The following KDM4C variants were observed in gnomAD, a reference collection of about 807,000 sequenced individuals.
KDM4C encodes the protein lysine demethylase 4C, also known as lysine-specific demethylase 4C.
KDM4C carries 81 observed loss-of-function variants against 129.3 expected under a neutral mutation model. That is an observed-to-expected ratio of 0.63 (90% confidence interval 0.52 to 0.75). The LOEUF is 0.75. KDM4C is among the 30% of genes least tolerant of loss of function. The pLI is 0.00. For synonymous variants in KDM4C, 573 were observed against 456.1 expected (o/e 1.26, Z -3.26); for missense variants, 1,457 against 1,304.0 (o/e 1.12, Z -1.81).
chr9:6,858,275 C>T (rs1350706083), intron 5 of KDM4C, among the ~76,000 whole-genome samples: 7 of 151,636 alleles, frequency 4.6e-5, no homozygotes, highest in South Asian at 2.1e-4. Flanking sequence ...TGAATTACTG[C>T]TCAGTAAGGG....
chr9:6,867,646 T>A (rs1019955616), intron 5 of KDM4C, among the ~76,000 whole-genome samples: 5 of 152,244 alleles, frequency 3.3e-5, no homozygotes, highest in African/African-American at 1.2e-4. Context: ...TACAAAACAT[T>A]GCATCTATGT....
chr9:6,759,333 T>G (rs1818924843), intron 1 of KDM4C, among the ~76,000 whole-genome samples: 1 of 152,188 alleles, frequency 6.6e-6, no homozygotes. Flanking sequence ...CAACGGTGAC[T>G]AATATTCTCA....
chr9:6,885,633 AAG>A (rs1379895397), intron 6 of KDM4C, among the ~76,000 whole-genome samples: 1 of 143,666 alleles, frequency 7.0e-6, no homozygotes, highest in Non-Finnish European at 1.5e-5. Flanking sequence ...AAAAAAAAAA[AAG>A]GCAGTTGACT....
chr9:7,030,434 A>C (rs994287057), intron 15 of KDM4C, among the ~76,000 whole-genome samples: 1 of 152,176 alleles, frequency 6.6e-6, no homozygotes, highest in Non-Finnish European at 1.5e-5. Flanking sequence ...GTACAACACC[A>C]AGAGTGAATC....
At chr9:6,760,574 A>ATTTG (rs1272204321) in intron 1 of KDM4C, among the ~76,000 whole-genome samples, 3 of 135,904 alleles carry the variant, frequency 2.2e-5, no homozygotes, top group Non-Finnish European at 4.9e-5. Context: ...TTATTTATTT[A>ATTTG]TTTATTTATT....
chr9:6,720,997 G>T (rs1001113600), exon 1 of KDM4C: 21 of 1,550,816 alleles, frequency 1.4e-5, no homozygotes, highest in Non-Finnish European at 1.8e-5. Context: ...AGCAGCTGCA[G>T]GTGAGTGCTG....
In KDM4C at chr9:6,934,654, G is replaced by C. The variant is rs556926625; in HGVS notation, c.921+41422G>C. Among the ~76,000 whole-genome samples, 16 of 151,840 alleles carry C rather than the reference G, an allele frequency of 1.1e-4. No homozygotes were observed. The East Asian group carries it at 3.1e-3, about 30-fold the overall frequency. On this transcript the variant is annotated intron_variant, in intron 8 of 21. Coordinates refer to ENST00000381309, the MANE Select transcript of KDM4C (RefSeq NM_015061.6). The stretch of plus-strand genomic sequence containing the variant: ...AATTTTTGTATTTTTAGTAGAGATG[G>C]GGTTTCACCATGTTGGCCAGGATGG...
intron 8 of KDM4C, among the ~76,000 whole-genome samples, chr9:6,920,209 T>C (rs1451897736): frequency 2.0e-5 from 3 of 152,020 alleles, no homozygotes; most frequent in Non-Finnish European, 4.4e-5. Flanking sequence ...TGGAAAGCAG[T>C]CCTCATGTGC....
At position 6,981,025 on chromosome 9, in the gene KDM4C, A is replaced by G. The variant is rs897908124; in HGVS notation, c.1022A>G (p.Tyr341Cys). 6.2e-7 allele frequency: 1 copy of G among 1,613,966 alleles called. No individual in the cohort carries two copies. The highest frequency in any genetic ancestry group is 8.5e-7 in the Non-Finnish European group (1 of 1,179,854). ...YQLWKQGKDI[Y>C]TIDHTKPTPA... ...CTTTGGAAACAAGGAAAGGATATAT[A>G]CACCATTGATCACACGAAGCCTACT... Residue 341 changes from tyrosine to cysteine, a missense_variant, in exon 9 of 22, where the codon TAC (tyrosine) becomes TGC (cysteine). Coordinates refer to ENST00000381309, the MANE Select transcript of KDM4C (RefSeq NM_015061.6).
At chr9:6,830,155 A>G (rs922640085) in intron 4 of KDM4C, among the ~76,000 whole-genome samples, 1 of 152,244 alleles carries the variant, frequency 6.6e-6, no homozygotes, top group African/African-American at 2.4e-5. Context: ...ACAAATTGTT[A>G]AAGCCATGAA....
intron 7 of KDM4C, among the ~76,000 whole-genome samples, chr9:6,888,316 A>G (rs1201671698): frequency 6.6e-6 from 1 of 152,228 alleles, no homozygotes; most frequent in East Asian, 1.9e-4. Context: ...AGCACATTCT[A>G]TAAAATAAGA....
intron 1 of KDM4C, among the ~76,000 whole-genome samples, chr9:6,746,668 C>T (rs1034272196): frequency 4.1e-5 from 6 of 147,962 alleles, no homozygotes. Context: ...TCGCTTGAGC[C>T]CAGGAATTCC....
intron 11 of KDM4C, among the ~76,000 whole-genome samples, chr9:6,988,029 C>T (rs1818033256): frequency 6.6e-6 from 1 of 151,476 alleles, no homozygotes; most frequent in Non-Finnish European, 1.5e-5. Context: ...GTGGTGTGTG[C>T]CTGTGGTCCT....
At position 7,013,694 on chromosome 9, in the gene KDM4C, T is replaced by C. The variant is rs1010697352; in HGVS notation, c.1969-94T>C. 8 of 1,154,912 alleles carry C rather than the reference T, an allele frequency of 6.9e-6. No individual in the cohort carries two copies. In the Admixed American group the frequency reaches 1.9e-4, roughly 27 times the overall value. 71.5% of individuals were successfully genotyped at this position (1,154,912 alleles called of 1,614,324 possible). ...AACAGGAAGAACAAAAGTTAGAAGTTAGTGTCTGGAACAGGAGTTAGTGGA... is the reference window on the plus strand; with the variant it reads ...AACAGGAAGAACAAAAGTTAGAAGTCAGTGTCTGGAACAGGAGTTAGTGGA... On this transcript the variant is annotated intron_variant, in intron 13 of 21. Coordinates refer to ENST00000381309, the MANE Select transcript of KDM4C (RefSeq NM_015061.6).
intron 17 of KDM4C, among the ~76,000 whole-genome samples, chr9:7,090,237 C>T (rs1422352675): frequency 4.6e-5 from 7 of 152,180 alleles, no homozygotes; most frequent in Non-Finnish European, 1.0e-4. Context: ...TGACACACAG[C>T]CTTTAAAATG....
intron 1 of KDM4C, among the ~76,000 whole-genome samples, chr9:6,773,736 A>G (rs1037720233): frequency 6.7e-6 from 1 of 150,154 alleles, no homozygotes; most frequent in Admixed American, 6.7e-5. Context: ...GCACCATGGC[A>G]CCCTAGCCTG....
intron 6 of KDM4C, among the ~76,000 whole-genome samples, chr9:6,880,751 G>A (rs1172235081): frequency 6.6e-6 from 1 of 152,184 alleles, no homozygotes; most frequent in Non-Finnish European, 1.5e-5. Context: ...GCTTTTGTGT[G>A]TGTAGACAAT....
intron 10 of KDM4C, among the ~76,000 whole-genome samples, chr9:6,984,754 G>A (rs1372359352): frequency 6.6e-6 from 1 of 151,786 alleles, no homozygotes; most frequent in African/African-American, 2.4e-5. Context: ...ACCAATTATA[G>A]ATAATTCTTT....
intron 4 of KDM4C, among the ~76,000 whole-genome samples, chr9:6,820,957 A>C (rs4552963): frequency 3.4e-4 from 51 of 150,142 alleles, no homozygotes; most frequent in African/African-American, 1.2e-3. Context: ...ACCTATGAGT[A>C]AGAACATGCA....
Sources: allele counts gnomAD v4.1 joint callset (sites outside exome capture counted in the v4.1 genomes callset), GRCh38; gene constraint gnomAD v4.1.1; transcripts MANE v1.5; gene names NCBI Gene and HGNC (gene_info 2026-07-23, HGNC 2026-07-21).